Variants in LRRTM4 observed in about 807,000 individuals in gnomAD.
The protein encoded by LRRTM4 is leucine rich repeat transmembrane neuronal 4.
A neutral mutation model predicts 47.6 loss-of-function variants in LRRTM4; 25 were observed. The ratio of observed to expected loss-of-function variants is 0.53; its 90% CI spans 0.38 to 0.73. The LOEUF (loss-of-function observed/expected upper bound fraction) is 0.73. LRRTM4 is among the 30% of genes least tolerant of loss of function. The pLI is 0.00. For missense variants in LRRTM4, 638 were observed against 713.4 expected, an observed-to-expected ratio of 0.89 and a Z score of 1.20; for synonymous variants, 311 against 269.5, an observed-to-expected ratio of 1.15 and a Z score of -1.51.
chr2:77,030,246 C>T (rs1303792555), intron 3 of LRRTM4, among the ~76,000 whole-genome samples: 2 of 152,062 alleles, frequency 1.3e-5, no homozygotes, highest in Admixed American at 6.6e-5. Context: ...TCCTGGCTAA[C>T]ACAGTGAAAC....
At chr2:76,822,486 A>G (rs1671080560) in intron 3 of LRRTM4, among the ~76,000 whole-genome samples, 1 of 151,554 alleles carries the variant, frequency 6.6e-6, no homozygotes, top group African/African-American at 2.4e-5. Context: ...AATAAAAGAA[A>G]TAATAGAAAA....
chr2:77,035,964 A>G (rs960626757), intron 3 of LRRTM4, among the ~76,000 whole-genome samples: 3 of 151,842 alleles, frequency 2.0e-5, no homozygotes, highest in Admixed American at 6.6e-5. Flanking sequence ...ATACCTCTCT[A>G]GAGTGTTACA....
chr2:77,519,687 C>A lies in LRRTM4; in HGVS notation c.182G>T (p.Gly61Val), dbSNP rs1339970005. Residue 61 changes from glycine (G) to valine (V), a missense_variant, in exon 3 of 4, where the codon GGA becomes GTA. Coordinates refer to ENST00000409884, the MANE Select transcript of LRRTM4 (RefSeq NM_001134745.3). This position sits in a 1 kb window ranked among gnomAD's most constrained non-coding sequence, Gnocchi z 4.6. ...CCTTAATGATAAGCCTTGTGACCCT[C>A]CAGAAATGTTCTCAGGGATATCTGC... ...AFADIPENIS[G>V]GSQGLSLRFN... 1 of 1,613,388 alleles carries A rather than the reference C, an allele frequency of 6.2e-7. No homozygotes were observed. Among genetic ancestry groups the A allele is most frequent in the African/African-American group, 1.3e-5 (1 of 74,972 alleles).
At chr2:77,168,551 T>G (rs902876686) in intron 3 of LRRTM4, among the ~76,000 whole-genome samples, 1 of 152,154 alleles carries the variant, frequency 6.6e-6, no homozygotes, top group Admixed American at 6.6e-5. Context: ...CCTTTCTTTG[T>G]GTTAGGAAAT....
At chr2:77,073,496 T>G (rs2067967) in intron 3 of LRRTM4, among the ~76,000 whole-genome samples, 6,808 of 152,138 alleles carry the variant, frequency 0.045, 177 homozygotes, top group South Asian at 0.11. Context: ...ATGTTATAAT[T>G]CCTTCTATGA....
intron 3 of LRRTM4, chr2:77,516,540 G>T: frequency 4.7e-6 from 4 of 856,020 alleles, no homozygotes; most frequent in Non-Finnish European, 5.6e-6. Flanking sequence ...TTATATACCA[G>T]CCTTTAAGAG....
intron 3 of LRRTM4, among the ~76,000 whole-genome samples, chr2:77,267,356 G>A (rs1191793372): frequency 1.3e-5 from 2 of 152,150 alleles, no homozygotes; most frequent in Non-Finnish European, 2.9e-5. Context: ...CAAGGCACCT[G>A]CAGGTTTGCT....
chr2:76,792,331 A>AC (rs1675018546), intron 3 of LRRTM4, among the ~76,000 whole-genome samples: 1 of 152,072 alleles, frequency 6.6e-6, no homozygotes, highest in South Asian at 2.1e-4. Flanking sequence ...TTAAATACCA[A>AC]CCCCCAGAGA....
intron 3 of LRRTM4, among the ~76,000 whole-genome samples, chr2:77,019,396 C>T (rs957084698): frequency 1.3e-5 from 2 of 151,918 alleles, no homozygotes; most frequent in Non-Finnish European, 2.9e-5. Flanking sequence ...ACTACCTCTT[C>T]AGTCAGAATC....
At chr2:77,142,974 T>C (rs1309377423) in intron 3 of LRRTM4, among the ~76,000 whole-genome samples, 1 of 152,178 alleles carries the variant, frequency 6.6e-6, no homozygotes, top group African/African-American at 2.4e-5. Context: ...AGGATTGCAT[T>C]CTTCCTATAT....
chr2:77,141,579 C>A (rs533575339), intron 3 of LRRTM4, among the ~76,000 whole-genome samples: 13 of 152,202 alleles, frequency 8.5e-5, no homozygotes, highest in African/African-American at 2.9e-4. Context: ...ATGTAACAAA[C>A]CTGCACGTTG....
At chr2:76,986,572 AT>A (rs1157827459) in intron 3 of LRRTM4, among the ~76,000 whole-genome samples, 1 of 151,964 alleles carries the variant, frequency 6.6e-6, no homozygotes, top group African/African-American at 2.4e-5. Flanking sequence ...GGGCATGGTA[AT>A]TACAAAGATT....
At chr2:77,055,153 G>A (rs1376794027) in intron 3 of LRRTM4, among the ~76,000 whole-genome samples, 1 of 152,044 alleles carries the variant, frequency 6.6e-6, no homozygotes, top group Non-Finnish European at 1.5e-5. Flanking sequence ...CCAGCACAGC[G>A]GTGCTTCCCT....
In LRRTM4 at chr2:77,053,186, T is replaced by C. The variant is rs1679496434; in HGVS notation, c.1552-304270A>G. Among the ~76,000 whole-genome samples, 4 of 152,286 alleles carry C rather than the reference T, an allele frequency of 2.6e-5. No homozygotes were observed. The South Asian group carries it at 8.3e-4, about 32-fold the overall frequency. On this transcript the variant is annotated intron_variant, in intron 3 of 3. Transcript: ENST00000409884. ...CAGAATTCAGATACAGGAGAAATGC[T>C]GTTACAGGAAATTTTACTTGCATTT...
At chr2:76,866,681 C>A (rs900538794) in intron 3 of LRRTM4, among the ~76,000 whole-genome samples, 4 of 152,068 alleles carry the variant, frequency 2.6e-5, no homozygotes, top group Admixed American at 1.3e-4. Flanking sequence ...ATAGACTGAA[C>A]TGAAAAACAA....
chr2:77,310,305 C>T (rs1232362993), intron 3 of LRRTM4, among the ~76,000 whole-genome samples: 3 of 152,002 alleles, frequency 2.0e-5, no homozygotes, highest in Non-Finnish European at 4.4e-5. Context: ...CAGCAACATA[C>T]ACACACATAT....
intron 3 of LRRTM4, among the ~76,000 whole-genome samples, chr2:77,187,166 G>A (rs1028164862): frequency 1.3e-5 from 2 of 152,090 alleles, no homozygotes; most frequent in Middle Eastern, 3.2e-3. Context: ...GCCAATGTCT[G>A]GATGTTTGGA....
At chr2:77,496,160 A>C in intron 3 of LRRTM4, among the ~76,000 whole-genome samples, 1 of 151,938 alleles carries the variant, frequency 6.6e-6, no homozygotes, top group East Asian at 1.9e-4. Context: ...CTATTAATAT[A>C]GATATGTAGT....
chr2:76,829,536 C>CT (rs74394449), intron 3 of LRRTM4, among the ~76,000 whole-genome samples: 69,793 of 151,650 alleles, frequency 0.46, 17,116 homozygotes, highest in East Asian at 0.76. Context: ...CATGTAATTG[C>CT]CTTGGATTGG....
Sources: allele counts gnomAD v4.1 joint callset (sites outside exome capture counted in the v4.1 genomes callset), GRCh38; gene constraint gnomAD v4.1.1; non-coding constraint Gnocchi (gnomAD v3.1); transcripts MANE v1.5; gene names NCBI Gene and HGNC (gene_info 2026-07-23, HGNC 2026-07-21).